BFSP1: variants seen among roughly 807,000 people sequenced by gnomAD.
BFSP1 encodes the protein filensin.
Under a neutral mutation model 43.9 loss-of-function variants are expected in BFSP1, and 38 were observed. The ratio of observed to expected loss-of-function variants is 0.87; its 90% CI spans 0.67 to 1.14. The LOEUF (loss-of-function observed/expected upper bound fraction) is 1.14, where lower values mean the gene tolerates loss of function less well. Among genes scored for constraint, BFSP1 ranks in the 50% most tolerant of loss-of-function variants. The pLI is 0.00. For synonymous variants in BFSP1, 352 were observed against 354.8 expected, an observed-to-expected ratio of 0.99 and a Z score of 0.09; for missense variants, 850 against 875.1, an observed-to-expected ratio of 0.97 and a Z score of 0.36.
chr20:17,494,123 A>G lies in BFSP1; in HGVS notation c.1949T>C (p.Ile650Thr), dbSNP rs760603851. The G allele has an allele frequency of 9.9e-6, 16 of 1,613,894 alleles. No individual in the cohort carries two copies. The highest frequency in any genetic ancestry group is 1.4e-5 in the Non-Finnish European group (16 of 1,179,996). ...EETAVIVETM[I>T]GKTKSDKKKS... Reference sequence around the variant, plus strand: ...CTTCTTGTCTGACTTTGTCTTTCCAATCATGGTCTCCACGATCACAGCGGT... The same window carrying G: ...CTTCTTGTCTGACTTTGTCTTTCCAGTCATGGTCTCCACGATCACAGCGGT... Residue 650 changes from isoleucine (I) to threonine (T), a missense_variant, in exon 8 of 8, where the codon ATT (isoleucine) becomes ACT (threonine). By Grantham distance (89) the Ile-to-Thr change is moderately conservative. Coordinates refer to ENST00000377873, the MANE Select transcript of BFSP1 (RefSeq NM_001195.5).
intron 1 of BFSP1, among the ~76,000 whole-genome samples, chr20:17,526,856 T>C (rs1194611945): frequency 6.6e-6 from 1 of 152,242 alleles, no homozygotes; most frequent in African/African-American, 2.4e-5. Context: ...TTGTTTTTTA[T>C]AGTTGCCATC....
In BFSP1 at chr20:17,531,061, C is replaced by T. The variant is rs1260656899; in HGVS notation, c.269G>A (p.Arg90His). Residue 90 changes from arginine (R) to histidine (H), a missense_variant, in exon 1 of 8, where the codon CGC becomes CAC. Transcript: ENST00000377873. The part of the protein sequence containing the change: ...ELAGPEDALA[R>H]QVESNRQRVR... ...GCGCTGGCGGTTGCTCTCGACTTGG[C>T]GGGCGAGGGCGTCCTCGGGCCCGGC... The T allele has an allele frequency of 1.4e-6, 2 of 1,399,796 alleles. No homozygotes were observed. Among genetic ancestry groups the T allele is most frequent in the Admixed American group, 3.0e-5 (1 of 33,234 alleles). 86.7% of individuals were successfully genotyped at this position (1,399,796 alleles called of 1,614,324 possible). A position where few individuals can be genotyped will look rare whatever the true frequency, so the allele number is the denominator to read the frequency against.
chr20:17,519,896 G>A (rs949664178), intron 2 of BFSP1, among the ~76,000 whole-genome samples: 9 of 152,180 alleles, frequency 5.9e-5, no homozygotes, highest in East Asian at 1.9e-4. Flanking sequence ...TTTTGTTTGC[G>A]CCAGAACTCA....
intron 5 of BFSP1, chr20:17,506,764 G>A (rs6034839): frequency 0.17 from 25,844 of 152,072 alleles, 2,654 homozygotes; most frequent in East Asian, 0.36. Flanking sequence ...GACTCGAGCA[G>A]TCCACTCACC....
At chr20:17,553,027 A>T (rs1405177229) in intron 1 of BFSP1, among the ~76,000 whole-genome samples, 1 of 152,206 alleles carries the variant, frequency 6.6e-6, no homozygotes, top group Non-Finnish European at 1.5e-5. Context: ...TAAAGAGAAG[A>T]AGTCTAAGAA....
At chr20:17,534,368 T>G (rs2034595574), upstream of BFSP1, among the ~76,000 whole-genome samples, 2 of 152,236 alleles carry the variant, frequency 1.3e-5, no homozygotes, top group African/African-American at 2.4e-5. Flanking sequence ...AGTCCCAGTA[T>G]GGAGACTGGT....
In BFSP1 at chr20:17,531,092, C is replaced by A; in HGVS notation, c.238G>T (p.Glu80Ter). The A allele has an allele frequency of 7.3e-7, 1 of 1,361,448 alleles. No individual in the cohort carries two copies. Among genetic ancestry groups the A allele is most frequent in the Non-Finnish European group, 9.4e-7 (1 of 1,059,674 alleles). The allele number at this position is 1,361,448 out of a possible 1,614,324, so 84.3% of individuals were successfully genotyped here. Residue 80 changes from glutamate to a stop codon, truncating the protein, a stop_gained, in exon 1 of 8, where the codon GAG (glutamate) becomes TAG (stop). Transcript: ENST00000377873. LOFTEE classifies it high-confidence loss of function. ...RQLDAFQRLG[E>*]LAGPEDALAR... ...AGGGCGTCCTCGGGCCCGGCCAGCT[C>A]GCCCAGGCGCTGGAAGGCATCCAGC...
At chr20:17,504,916 GTTTTTGTT>G (rs954609128) in intron 5 of BFSP1, among the ~76,000 whole-genome samples, 4 of 72,692 alleles carry the variant, frequency 5.5e-5, no homozygotes, top group African/African-American at 2.6e-4. Context: ...TTTTTTTTTT[GTTTTTGTT>G]TTTGTTTTTG....
chr20:17,550,462 CTTTTT>C (rs66786068), intron 1 of BFSP1, among the ~76,000 whole-genome samples: 60,385 of 132,146 alleles, frequency 0.46, 13,000 homozygotes, highest in Middle Eastern at 0.6. Flanking sequence ...GACTATAATC[CTTTTT>C]TTTTTTTTTT....
intron 7 of BFSP1, 125 bp downstream of exon 7, chr20:17,496,813 T>A: frequency 1.2e-6 from 1 of 866,658 alleles, no homozygotes; most frequent in Non-Finnish European, 1.7e-6. Flanking sequence ...GGAGTCCTCC[T>A]TCACATAAAA....
chr20:17,526,793 T>C (rs2034433794), intron 1 of BFSP1, among the ~76,000 whole-genome samples: 1 of 152,248 alleles, frequency 6.6e-6, no homozygotes, highest in African/African-American at 2.4e-5. Flanking sequence ...CAACAGTCCA[T>C]AATTTCTCCA....
chr20:17,547,526 GTTGAAT>G (rs1324295673), intron 1 of BFSP1, among the ~76,000 whole-genome samples: 2 of 152,218 alleles, frequency 1.3e-5, no homozygotes, highest in Non-Finnish European at 2.9e-5. Flanking sequence ...CTGTACCCCT[GTTGAAT>G]ATAACAAATA....
At chr20:17,518,468 G>A (rs1294934289) in intron 2 of BFSP1, among the ~76,000 whole-genome samples, 1 of 152,184 alleles carries the variant, frequency 6.6e-6, no homozygotes, top group Non-Finnish European at 1.5e-5. Flanking sequence ...TCCAGAAGGC[G>A]TGCGCTACCC....
intron 5 of BFSP1, among the ~76,000 whole-genome samples, chr20:17,503,309 C>A (rs967228336): frequency 1.9e-4 from 29 of 152,180 alleles, no homozygotes; most frequent in Admixed American, 1.8e-3. Flanking sequence ...GGATTACAGG[C>A]GTGAGCCATA....
intron 1 of BFSP1, among the ~76,000 whole-genome samples, chr20:17,553,700 G>A (rs571547495): frequency 1.7e-4 from 25 of 149,388 alleles, no homozygotes; most frequent in African/African-American, 4.9e-4. Flanking sequence ...AAGGCCTTTC[G>A]GATTTATTAG....
intron 1 of BFSP1, among the ~76,000 whole-genome samples, chr20:17,537,182 G>A (rs2123551929): frequency 6.6e-6 from 1 of 152,298 alleles, no homozygotes; most frequent in South Asian, 2.1e-4. Context: ...GGTGCAGCTT[G>A]AAGCCTTTCC....
At chr20:17,521,110 T>C (rs1568697084) in intron 2 of BFSP1, among the ~76,000 whole-genome samples, 1 of 152,112 alleles carries the variant, frequency 6.6e-6, no homozygotes, top group Non-Finnish European at 1.5e-5. Context: ...CATACGTATA[T>C]ATTTGGTGAC....
intron 5 of BFSP1, among the ~76,000 whole-genome samples, chr20:17,505,811 A>C (rs962841443): frequency 6.6e-6 from 1 of 152,076 alleles, no homozygotes; most frequent in Non-Finnish European, 1.5e-5. Context: ...ATCCCGGGCC[A>C]CACCCCAGAC....
At chr20:17,514,655 C>T (rs1008979368) in intron 3 of BFSP1, 66 bp downstream of exon 3, 5 of 1,497,304 alleles carry the variant, frequency 3.3e-6, no homozygotes, top group Non-Finnish European at 4.6e-6. Context: ...CCACAGTACC[C>T]TCGGCTTACC....
Sources: gnomAD v4.1 joint callset for allele counts (sites outside exome capture counted in the v4.1 genomes callset) on GRCh38, gnomAD v4.1.1 for gene constraint, MANE v1.5 for transcripts, NCBI Gene and HGNC (gene_info 2026-07-23, HGNC 2026-07-21) for gene names.